The following PPP1R1C variants were observed in gnomAD, a reference collection of about 807,000 sequenced individuals.
The protein encoded by PPP1R1C is protein phosphatase 1 regulatory subunit 1C.
A neutral mutation model predicts 17.4 loss-of-function variants in PPP1R1C; 15 were observed. The ratio of observed to expected loss-of-function variants is 0.86; its 90% CI spans 0.58 to 1.33. The LOEUF (loss-of-function observed/expected upper bound fraction) is 1.33. Among genes scored for constraint, PPP1R1C ranks in the 40% most tolerant of loss-of-function variants. The probability of loss-of-function intolerance (pLI) is 0.00; values close to 1 mark genes in which losing one functional copy is unlikely to be tolerated. For synonymous variants in PPP1R1C, 35 were observed against 43.1 expected (o/e 0.81, Z 0.73); for missense variants, 143 against 130.0 (o/e 1.10, Z -0.48).
At chr2:181,959,243 C>G (rs904790466) in intron 1 of PPP1R1C, among the ~76,000 whole-genome samples, 2 of 152,116 alleles carry the variant, frequency 1.3e-5, no homozygotes, top group Non-Finnish European at 2.9e-5. Context: ...AGAAATTTCC[C>G]TTGATATTAG....
At chr2:182,024,777 C>T (rs761649612) in intron 2 of PPP1R1C, among the ~76,000 whole-genome samples, 1 of 151,826 alleles carries the variant, frequency 6.6e-6, no homozygotes, top group Non-Finnish European at 1.5e-5. Flanking sequence ...ATTGCTTGAA[C>T]CCAGGAGGCA....
chr2:181,961,512 G>A lies in PPP1R1C; in HGVS notation n.111+6878G>A, dbSNP rs555241995. The A allele has an allele frequency of 9.4e-5, 104 of 1,109,860 alleles. No individual in the cohort carries two copies. In the African/African-American group the frequency reaches 1.5e-3, roughly 16 times the overall value. The allele number at this position is 1,109,860 out of a possible 1,614,324, so 68.8% of individuals were successfully genotyped here. A position where few individuals can be genotyped will look rare whatever the true frequency, so the allele number is the denominator to read the frequency against. On this transcript the variant is annotated intron_variant and non_coding_transcript_variant, in intron 1 of 5. Coordinates refer to the PPP1R1C transcript ENST00000464264. The surrounding 1 kb of genome is among the most constrained non-coding windows in gnomAD (Gnocchi z 5.8). ...TGTAGCGGGCCTCCACCTCCCTCAG[G>A]CTGTTCTCCAAGCTGGCCTTCAGAT...
chr2:181,959,329 A>C (rs1003798193), intron 1 of PPP1R1C, among the ~76,000 whole-genome samples: 1 of 152,188 alleles, frequency 6.6e-6, no homozygotes, highest in African/African-American at 2.4e-5. Flanking sequence ...AAATATTATT[A>C]TTTATTTACT....
At chr2:182,120,405 G>A (rs190607124), downstream of PPP1R1C, among the ~76,000 whole-genome samples, 2,295 of 152,114 alleles carry the variant, frequency 0.015, 34 homozygotes, top group South Asian at 0.059. Flanking sequence ...TTGATAGATC[G>A]CTAGCAAGAC....
chr2:182,012,941 A>C (rs1310383381), intron 2 of PPP1R1C, among the ~76,000 whole-genome samples: 1 of 152,010 alleles, frequency 6.6e-6, no homozygotes, highest in African/African-American at 2.4e-5. Flanking sequence ...CCGCTTTTTA[A>C]CTTTTTATTG....
chr2:182,030,340 G>A (rs1686779528), intron 2 of PPP1R1C, among the ~76,000 whole-genome samples: 1 of 152,026 alleles, frequency 6.6e-6, no homozygotes, highest in Non-Finnish European at 1.5e-5. Context: ...CCATCTTTGT[G>A]GTTTTATCTA....
chr2:181,969,546 T>C (rs549784748), intron 1 of PPP1R1C, among the ~76,000 whole-genome samples: 1 of 152,336 alleles, frequency 6.6e-6, no homozygotes, highest in South Asian at 2.1e-4. Flanking sequence ...TTCTTTATCC[T>C]AGACCTTTGG....
intron 1 of PPP1R1C, chr2:181,954,661 A>G (rs575652085): frequency 1.3e-5 from 2 of 152,262 alleles, no homozygotes; most frequent in Admixed American, 6.5e-5. Context: ...AAACATTTCT[A>G]TTTCCTACAG....
intron 2 of PPP1R1C, among the ~76,000 whole-genome samples, chr2:182,026,785 G>T (rs1046175857): frequency 6.6e-6 from 1 of 150,880 alleles, no homozygotes; most frequent in Non-Finnish European, 1.5e-5. Flanking sequence ...CATTGAATCT[G>T]TAAATTACCT....
In PPP1R1C at chr2:182,002,935, C is replaced by G. The variant is rs368425806; in HGVS notation, c.142+15036C>G. Among the ~76,000 whole-genome samples the G allele has an allele frequency of 6.8e-3, 949 of 138,954 alleles. 30 individuals carry two copies. Among genetic ancestry groups the G allele is most frequent in the African/African-American group, 0.023 (878 of 38,344 alleles). The allele number at this position is 138,954 out of a possible 152,430, so 91.2% of individuals were successfully genotyped here. A position where few individuals can be genotyped will look rare whatever the true frequency, so the allele number is the denominator to read the frequency against. On this transcript the variant is annotated intron_variant, in intron 2 of 4. Coordinates refer to ENST00000682840, the MANE Select transcript of PPP1R1C (RefSeq NM_001080545.3). ...CAAGAGTGATGCCATAAACCTCCCC[C>G]CCCCCACAACCCTGAAATCCCCCAG...
intron 2 of PPP1R1C, among the ~76,000 whole-genome samples, chr2:181,990,595 C>G (rs538005315): frequency 6.6e-6 from 1 of 152,082 alleles, no homozygotes; most frequent in Non-Finnish European, 1.5e-5. Flanking sequence ...CTGATGTGTT[C>G]GGGAATACAA....
At position 182,097,430 on chromosome 2, in the gene PPP1R1C, C is replaced by T. The variant is rs551412472; in HGVS notation, c.242-19777C>T. Among the ~76,000 whole-genome samples, 3 of 152,280 alleles carry T rather than the reference C, an allele frequency of 2.0e-5. No homozygotes were observed. The South Asian group carries it at 6.2e-4, about 32-fold the overall frequency. The stretch of plus-strand genomic sequence containing the variant: ...TATTGGGAATCGCTTCTGTATAGTA[C>T]AAATGAGTGAGAATCCTTCCACTGC... On this transcript the variant is annotated intron_variant, in intron 4 of 4. Transcript: ENST00000682840.
At chr2:182,089,985 A>C (rs1402313181) in intron 4 of PPP1R1C, among the ~76,000 whole-genome samples, 1 of 152,074 alleles carries the variant, frequency 6.6e-6, no homozygotes, top group Admixed American at 6.6e-5. Flanking sequence ...TTATACTTAC[A>C]TATTCATAAG....
rs1483694950 is a variant in PPP1R1C at position 182,061,429 on chromosome 2, A to T, written c.143-13A>T. ...ATTACATGCCTAATACATTCTACCT[A>T]CTTCTCTTACAGAAATAGATGACAA... On this transcript the variant is annotated splice_polypyrimidine_tract_variant and intron_variant, in intron 2 of 4. Transcript: ENST00000682840. The T allele has an allele frequency of 6.9e-7, 1 of 1,452,842 alleles. No homozygotes were observed. The highest frequency in any genetic ancestry group is 9.2e-7 in the Non-Finnish European group (1 of 1,089,928). 90.0% of individuals were successfully genotyped at this position (1,452,842 alleles called of 1,614,324 possible).
intron 4 of PPP1R1C, among the ~76,000 whole-genome samples, chr2:182,107,370 C>G (rs1689285168): frequency 6.6e-6 from 1 of 152,120 alleles, no homozygotes; most frequent in Non-Finnish European, 1.5e-5. Flanking sequence ...AACGTTGTCC[C>G]CATCCTTGCC....
chr2:182,063,868 A>G (rs773097214), intron 4 of PPP1R1C, 77 bp downstream of exon 4: 29 of 1,006,626 alleles, frequency 2.9e-5, no homozygotes, highest in Non-Finnish European at 3.7e-5. Flanking sequence ...CTAGGACCAC[A>G]TATCTGATGA....
intron 4 of PPP1R1C, among the ~76,000 whole-genome samples, chr2:182,100,458 CGAGA>C (rs1689067557): frequency 6.6e-6 from 1 of 150,480 alleles, no homozygotes; most frequent in African/African-American, 2.5e-5. Context: ...TGCAGTGAGC[CGAGA>C]TCTCGCCACT....
At chr2:182,122,408 G>C (rs574809794), downstream of PPP1R1C, among the ~76,000 whole-genome samples, 1 of 152,192 alleles carries the variant, frequency 6.6e-6, no homozygotes, top group East Asian at 1.9e-4. Flanking sequence ...CCAAATCCAT[G>C]ATTCCATACC....
upstream of PPP1R1C, among the ~76,000 whole-genome samples, chr2:181,982,821 C>T (rs951595146): frequency 1.3e-5 from 2 of 152,088 alleles, no homozygotes; most frequent in African/African-American, 4.8e-5. Context: ...GCCTAATGGC[C>T]TATTTTCCTA....
Sources: gnomAD v4.1 joint callset for allele counts (sites outside exome capture counted in the v4.1 genomes callset) on GRCh38, gnomAD v4.1.1 for gene constraint, Gnocchi (gnomAD v3.1) non-coding constraint, MANE v1.5 for transcripts, NCBI Gene and HGNC (gene_info 2026-07-23, HGNC 2026-07-21) for gene names.